Variants in LAMA1 observed in about 807,000 individuals in gnomAD.
LAMA1 encodes laminin subunit alpha 1.
LAMA1 carries 219 observed loss-of-function variants against 348.7 expected under a neutral mutation model. The observed-to-expected ratio is 0.63, with a 90% CI of 0.56 to 0.70. LAMA1 has a LOEUF of 0.70. Among genes scored for constraint, LAMA1 ranks in the 30% least tolerant of loss-of-function variants. The probability of loss-of-function intolerance (pLI) is 0.00; values close to 1 mark genes in which losing one functional copy is unlikely to be tolerated. For synonymous variants in LAMA1, 1,487 were observed against 1,491.0 expected, an observed-to-expected ratio of 1.00 and a Z score of 0.06; for missense variants, 3,744 against 3,888.0, an observed-to-expected ratio of 0.96 and a Z score of 0.99.
intron 28 of LAMA1, among the ~76,000 whole-genome samples, chr18:7,007,780 T>C (rs1240184614): frequency 6.6e-6 from 1 of 152,190 alleles, no homozygotes; most frequent in East Asian, 1.9e-4. Context: ...GTGGCATGTA[T>C]GTACAATGGA....
intron 1 of LAMA1, among the ~76,000 whole-genome samples, chr18:7,107,658 T>C (rs2058317843): frequency 6.6e-6 from 1 of 152,132 alleles, no homozygotes; most frequent in Non-Finnish European, 1.5e-5. Context: ...AAAAAAAATT[T>C]AAAAACTGAA....
chr18:7,071,043 G>A (rs2058143950), intron 3 of LAMA1, among the ~76,000 whole-genome samples: 1 of 152,202 alleles, frequency 6.6e-6, no homozygotes, highest in Non-Finnish European at 1.5e-5. Context: ...GAGGGAAAGG[G>A]CTAGAATCTG....
At chr18:7,071,755 G>A (rs1462336259) in intron 3 of LAMA1, among the ~76,000 whole-genome samples, 1 of 152,212 alleles carries the variant, frequency 6.6e-6, no homozygotes, top group African/African-American at 2.4e-5. Flanking sequence ...GTGCAATGAT[G>A]CAGAGCTCAG....
chr18:6,997,360 G>A (rs1169871825), intron 33 of LAMA1, among the ~76,000 whole-genome samples: 3 of 152,168 alleles, frequency 2.0e-5, no homozygotes, highest in African/African-American at 4.8e-5. Context: ...GTGAGCCACC[G>A]TGCCTGGCCT....
intron 58 of LAMA1, among the ~76,000 whole-genome samples, chr18:6,949,986 C>T (rs1276195316): frequency 6.6e-6 from 1 of 152,168 alleles, no homozygotes; most frequent in Non-Finnish European, 1.5e-5. Context: ...AGCCAATAGT[C>T]GTTAAGTGTT....
intron 9 of LAMA1, 26 bp from the exon 10 acceptor site, chr18:7,040,262 C>A: frequency 1.2e-6 from 2 of 1,613,484 alleles, no homozygotes; most frequent in Non-Finnish European, 1.7e-6. Flanking sequence ...TGGCAATGAC[C>A]CAACATGAAG....
intron 47 of LAMA1, among the ~76,000 whole-genome samples, chr18:6,972,808 AG>A (rs1267180126): frequency 6.6e-6 from 1 of 152,154 alleles, no homozygotes; most frequent in Non-Finnish European, 1.5e-5. Context: ...CTCCTGCCTC[AG>A]CCCCCTGAGT....
Position 7,050,953 on chromosome 18 carries a change from G to A in LAMA1, c.346-17C>T. The A allele has an allele frequency of 6.2e-7, 1 of 1,613,678 alleles. No homozygotes were observed. On this transcript the variant is annotated splice_polypyrimidine_tract_variant and intron_variant, in intron 3 of 62. Transcript: ENST00000389658. ...TTGAAAGACCTGAAACAAAGACACT[G>A]AAAAGTCTCAATCCAGAATCAATAC...
At chr18:7,101,968 A>G (rs1343472493) in intron 1 of LAMA1, among the ~76,000 whole-genome samples, 1 of 151,696 alleles carries the variant, frequency 6.6e-6, no homozygotes, top group African/African-American at 2.4e-5. Flanking sequence ...TGTGACCACC[A>G]CATCTGGCCC....
intron 3 of LAMA1, among the ~76,000 whole-genome samples, chr18:7,072,448 A>G (rs2058149820): frequency 6.6e-6 from 1 of 152,212 alleles, no homozygotes; most frequent in Non-Finnish European, 1.5e-5. Flanking sequence ...TAGTTAATAC[A>G]TAAATGGAAC....
At chr18:6,997,118 C>G (rs944767910) in intron 33 of LAMA1, among the ~76,000 whole-genome samples, 1 of 152,028 alleles carries the variant, frequency 6.6e-6, no homozygotes, top group African/African-American at 2.4e-5. Flanking sequence ...GGCTGGAGTG[C>G]AGTGGTGTGA....
At chr18:6,965,806 C>G (rs2057630598) in intron 49 of LAMA1, 1 of 403,048 alleles carries the variant, frequency 2.5e-6, no homozygotes, top group Non-Finnish European at 4.5e-6. Flanking sequence ...GGATGGAATT[C>G]AAACAATGTC....
intron 3 of LAMA1, among the ~76,000 whole-genome samples, chr18:7,067,842 G>A (rs928684312): frequency 1.3e-5 from 2 of 150,052 alleles, no homozygotes; most frequent in African/African-American, 2.5e-5. Context: ...CCTTCCTCCG[G>A]TGGGTCCTTT....
chr18:7,009,101 A>AT, intron 27 of LAMA1, 138 bp downstream of exon 27: 1 of 925,724 alleles, frequency 1.1e-6, no homozygotes, highest in East Asian at 2.5e-5. Context: ...TGATATTAAT[A>AT]TTTAACAATG....
intron 61 of LAMA1, among the ~76,000 whole-genome samples, chr18:6,944,169 C>T (rs1202880570): frequency 1.3e-5 from 2 of 152,118 alleles, no homozygotes; most frequent in African/African-American, 4.8e-5. Context: ...GCATCCACCA[C>T]CATGCCCAGC....
chr18:6,956,551 C>G, intron 56 of LAMA1, 85 bp downstream of exon 56: 2 of 1,595,556 alleles, frequency 1.3e-6, no homozygotes, highest in Non-Finnish European at 1.7e-6. Flanking sequence ...GGCACCTTTA[C>G]AGCAAGGCCC....
At chr18:7,027,575 A>G (rs200454211) in intron 16 of LAMA1, among the ~76,000 whole-genome samples, 9 of 113,868 alleles carry the variant, frequency 7.9e-5, no homozygotes, top group African/African-American at 3.6e-4. Flanking sequence ...CAATCAGGGG[A>G]AAAAAAAAAC....
chr18:6,983,025 C>G, intron 40 of LAMA1, 74 bp downstream of exon 40: 1 of 1,597,462 alleles, frequency 6.3e-7, no homozygotes, highest in Non-Finnish European at 8.6e-7. Context: ...ATTGGGGCCA[C>G]TGAATCTCTG....
chr18:6,994,401 T>A (rs2057771423), intron 34 of LAMA1, among the ~76,000 whole-genome samples: 3 of 152,228 alleles, frequency 2.0e-5, no homozygotes, highest in African/African-American at 4.8e-5. Flanking sequence ...TCCAAGAATG[T>A]AGAGTAACCC....
Sources: allele counts gnomAD v4.1 joint callset (sites outside exome capture counted in the v4.1 genomes callset), GRCh38; gene constraint gnomAD v4.1.1; transcripts MANE v1.5; gene names NCBI Gene and HGNC (gene_info 2026-07-23, HGNC 2026-07-21).